Variants in TBC1D19 observed in about 807,000 individuals in gnomAD.
TBC1D19 encodes TBC1 domain family, member 19.
A neutral mutation model predicts 89.0 loss-of-function variants in TBC1D19; 60 were observed. That is an observed-to-expected ratio of 0.67 (90% confidence interval 0.55 to 0.84). The LOEUF (loss-of-function observed/expected upper bound fraction) is 0.84. TBC1D19 is among the 40% of genes least tolerant of loss of function. TBC1D19 has a pLI of 0.00. For synonymous variants in TBC1D19, 189 were observed against 199.7 expected (o/e 0.95, Z 0.45); for missense variants, 500 against 610.8 (o/e 0.82, Z 1.91).
chr4:26,833,874 T>C, the TBC1D19 span, among the ~76,000 whole-genome samples: 1 of 152,238 alleles, frequency 6.6e-6, no homozygotes, highest in Non-Finnish European at 1.5e-5. Flanking sequence ...GCTCAGCCTA[T>C]ACTTTTATGT....
chr4:26,676,716 C>CAA (rs111713657), intron 11 of TBC1D19, among the ~76,000 whole-genome samples: 12 of 85,880 alleles, frequency 1.4e-4, no homozygotes, highest in South Asian at 1.1e-3. Flanking sequence ...AAGACTGTCT[C>CAA]AAAAAAAAAA....
At chr4:26,849,259 T>C in the TBC1D19 span, among the ~76,000 whole-genome samples, 9 of 152,024 alleles carry the variant, frequency 5.9e-5, no homozygotes, top group African/African-American at 2.2e-4. Context: ...GAAAGATCTA[T>C]TATCTAATTA....
rs557774900 is a variant in TBC1D19 at position 26,655,413 on chromosome 4, A to G, written c.481-4184A>G. On this transcript the variant is annotated intron_variant, in intron 7 of 20. Coordinates refer to ENST00000264866, the MANE Select transcript of TBC1D19 (RefSeq NM_018317.4). Reference sequence around the variant, plus strand: ...CTCTTCAAAGCTGTCAGACAGGGACATTTAAGTCTGCAGAGGTTTCTGCTG... The same window carrying G: ...CTCTTCAAAGCTGTCAGACAGGGACGTTTAAGTCTGCAGAGGTTTCTGCTG... 1.6e-4 allele frequency among the ~76,000 whole-genome samples: 24 copies of G among 152,272 alleles called. No individual in the cohort carries two copies. In the South Asian group the frequency reaches 4.8e-3, roughly 30 times the overall value.
At chr4:26,804,834 T>C in the TBC1D19 span, among the ~76,000 whole-genome samples, 8 of 152,306 alleles carry the variant, frequency 5.3e-5, no homozygotes, top group African/African-American at 1.7e-4. Flanking sequence ...TTTAGAAAGG[T>C]TGAAGAGGGA....
chr4:26,625,165 C>A (rs958872583), intron 4 of TBC1D19, among the ~76,000 whole-genome samples: 1 of 152,086 alleles, frequency 6.6e-6, no homozygotes, highest in African/African-American at 2.4e-5. Context: ...CAGTTTCTGG[C>A]AAGCTACACT....
intron 7 of TBC1D19, among the ~76,000 whole-genome samples, chr4:26,643,677 T>C (rs1743707710): frequency 6.6e-6 from 1 of 152,050 alleles, no homozygotes; most frequent in Non-Finnish European, 1.5e-5. Context: ...GGTAGAATGC[T>C]AGCAAAACTA....
chr4:26,720,076 T>C lies in TBC1D19; in HGVS notation c.1040-5T>C. Reference sequence around the variant, plus strand: ...ATTGAAATCCTCTATGGTTTTCTCTTATAGGAAAACTAGGACTGGAAGAAT... The same window carrying C: ...ATTGAAATCCTCTATGGTTTTCTCTCATAGGAAAACTAGGACTGGAAGAAT... On this transcript the variant is annotated splice_region_variant and splice_polypyrimidine_tract_variant and intron_variant, in intron 14 of 20. Transcript: ENST00000264866. 1 of 1,597,994 alleles carries C rather than the reference T, an allele frequency of 6.3e-7. No homozygotes were observed. The highest frequency in any genetic ancestry group is 8.5e-7 in the Non-Finnish European group (1 of 1,172,282).
At chr4:26,688,466 CT>C in intron 13 of TBC1D19, 59 bp downstream of exon 13, 1 of 1,411,004 alleles carries the variant, frequency 7.1e-7, no homozygotes, top group South Asian at 1.4e-5. Flanking sequence ...TATCATGATA[CT>C]TTAGGAGATA....
At chr4:26,766,765 C>A in the TBC1D19 span, among the ~76,000 whole-genome samples, 13 of 152,220 alleles carry the variant, frequency 8.5e-5, no homozygotes, top group Middle Eastern at 3.4e-3. Flanking sequence ...TATTACTTAA[C>A]CTTTAAGCCT....
At chr4:26,665,919 G>A (rs1480382248) in intron 8 of TBC1D19, among the ~76,000 whole-genome samples, 1 of 151,878 alleles carries the variant, frequency 6.6e-6, no homozygotes, top group Non-Finnish European at 1.5e-5. Flanking sequence ...TTAAACAATG[G>A]CAGCACTCAT....
chr4:26,784,870 A>G, the TBC1D19 span, among the ~76,000 whole-genome samples: 10 of 152,362 alleles, frequency 6.6e-5, no homozygotes, highest in South Asian at 2.1e-3. Flanking sequence ...ATACATTCAT[A>G]CTAAATCCCA....
chr4:26,739,386 T>C (rs968099335), intron 16 of TBC1D19, among the ~76,000 whole-genome samples: 4 of 152,204 alleles, frequency 2.6e-5, no homozygotes, highest in African/African-American at 9.6e-5. Flanking sequence ...ATTGAATTAA[T>C]TGAAGACCAT....
intron 1 of TBC1D19, among the ~76,000 whole-genome samples, chr4:26,606,992 A>G (rs1741054340): frequency 6.6e-6 from 1 of 152,186 alleles, no homozygotes; most frequent in African/African-American, 2.4e-5. Flanking sequence ...AGTGGCCAGT[A>G]CTTTGGACTA....
intron 1 of TBC1D19, among the ~76,000 whole-genome samples, chr4:26,607,837 A>T (rs758935231): frequency 5.3e-5 from 8 of 152,310 alleles, no homozygotes; most frequent in Admixed American, 3.9e-4. Context: ...CTTGATGATA[A>T]AGATATAATT....
intron 3 of TBC1D19, among the ~76,000 whole-genome samples, chr4:26,616,618 G>T (rs1358930490): frequency 1.3e-5 from 2 of 152,104 alleles, no homozygotes; most frequent in Admixed American, 1.3e-4. Flanking sequence ...GCCTAATAGA[G>T]GTATAGAACA....
the TBC1D19 span, among the ~76,000 whole-genome samples, chr4:26,778,108 G>GGA: frequency 6.7e-6 from 1 of 150,290 alleles, no homozygotes; most frequent in South Asian, 2.1e-4. Flanking sequence ...GGGTGTGGAG[G>GGA]GAGAGAGAGA....
the TBC1D19 span, among the ~76,000 whole-genome samples, chr4:26,847,227 G>A: frequency 1.3e-5 from 2 of 152,126 alleles, no homozygotes; most frequent in Admixed American, 6.5e-5. Context: ...TGGGAGAGAC[G>A]GACAATATTA....
chr4:26,597,597 C>T (rs1373330232), intron 1 of TBC1D19, among the ~76,000 whole-genome samples: 1 of 146,324 alleles, frequency 6.8e-6, no homozygotes, highest in Non-Finnish European at 1.5e-5. Flanking sequence ...CTCCTGATCT[C>T]AGGTGATCCT....
the TBC1D19 span, among the ~76,000 whole-genome samples, chr4:26,811,064 A>G: frequency 1.3e-5 from 2 of 152,246 alleles, no homozygotes; most frequent in Non-Finnish European, 2.9e-5. Flanking sequence ...ACATACGTTT[A>G]TTGCAGCACT....
Sources: gnomAD v4.1 joint callset for allele counts (sites outside exome capture counted in the v4.1 genomes callset) on GRCh38, gnomAD v4.1.1 for gene constraint, MANE v1.5 for transcripts, NCBI Gene and HGNC (gene_info 2026-07-23, HGNC 2026-07-21) for gene names.